The following DIAPH3 variants were observed in gnomAD, a reference collection of about 807,000 sequenced individuals.
DIAPH3 encodes the protein diaphanous related formin 3, also known as protein diaphanous homolog 3.
DIAPH3 carries 117 observed loss-of-function variants against 144.3 expected under a neutral mutation model. The observed-to-expected ratio is 0.81, with a 90% CI of 0.70 to 0.95. The LOEUF (loss-of-function observed/expected upper bound fraction) is 0.95. DIAPH3 is among the 40% of genes least tolerant of loss of function. The pLI, the probability that DIAPH3 is intolerant of heterozygous loss-of-function variation, is 0.00. For missense variants in DIAPH3, 1,421 were observed against 1,412.7 expected, an observed-to-expected ratio of 1.01 and a Z score of -0.09; for synonymous variants, 519 against 488.9, an observed-to-expected ratio of 1.06 and a Z score of -0.81.
At chr13:59,717,544 A>G (rs1405441966) in intron 27 of DIAPH3, among the ~76,000 whole-genome samples, 2 of 152,220 alleles carry the variant, frequency 1.3e-5, no homozygotes, top group East Asian at 1.9e-4. Context: ...ACCATTTGGG[A>G]TAAGTCTTAC....
chr13:59,837,309 T>A (rs144626977), intron 23 of DIAPH3, among the ~76,000 whole-genome samples: 3 of 152,188 alleles, frequency 2.0e-5, no homozygotes, highest in African/African-American at 7.2e-5. Flanking sequence ...TTCCTGTTTC[T>A]GATTTCCTGC....
chr13:60,129,906 T>C, intron 2 of DIAPH3, among the ~76,000 whole-genome samples: 1 of 152,216 alleles, frequency 6.6e-6, no homozygotes, highest in Non-Finnish European at 1.5e-5. Context: ...AAGGCTCAGC[T>C]GCAAATGTGT....
chr13:60,071,859 C>T (rs1481186348), intron 4 of DIAPH3, among the ~76,000 whole-genome samples: 1 of 152,036 alleles, frequency 6.6e-6, no homozygotes, highest in Non-Finnish European at 1.5e-5. Context: ...AATCCCAATA[C>T]CTATTTGCCT....
intron 27 of DIAPH3, among the ~76,000 whole-genome samples, chr13:59,692,572 C>T (rs1401364622): frequency 6.6e-6 from 1 of 152,060 alleles, no homozygotes; most frequent in African/African-American, 2.4e-5. Flanking sequence ...AGTCATAGAA[C>T]CTTAGGTTTC....
At chr13:59,916,292 TA>T (rs1259292713) in intron 18 of DIAPH3, 43 bp from the exon 19 acceptor site, 1 of 1,433,356 alleles carries the variant, frequency 7.0e-7, no homozygotes, top group Non-Finnish European at 9.8e-7. Context: ...GAATAAGGTT[TA>T]AAAAAGTATT....
intron 24 of DIAPH3, among the ~76,000 whole-genome samples, chr13:59,819,000 G>C (rs1228551648): frequency 6.6e-6 from 1 of 151,396 alleles, no homozygotes; most frequent in Non-Finnish European, 1.5e-5. Context: ...GGGTCTTGGA[G>C]GCCTATATGT....
At chr13:59,754,425 T>C (rs1447884927) in intron 27 of DIAPH3, among the ~76,000 whole-genome samples, 1 of 152,164 alleles carries the variant, frequency 6.6e-6, no homozygotes. Context: ...TGGCATCTTA[T>C]CTTTCTAAAA....
intron 20 of DIAPH3, among the ~76,000 whole-genome samples, chr13:59,908,756 T>C (rs1042289526): frequency 6.6e-6 from 1 of 152,162 alleles, no homozygotes; most frequent in African/African-American, 2.4e-5. Context: ...AAGTAAAAAC[T>C]GTAGAATTTT....
At chr13:59,788,973 G>T (rs1467827414) in intron 25 of DIAPH3, among the ~76,000 whole-genome samples, 1 of 152,150 alleles carries the variant, frequency 6.6e-6, no homozygotes, top group Non-Finnish European at 1.5e-5. Context: ...TGATGAGCTT[G>T]TTCACTCTGA....
chr13:59,735,318 G>A (rs1383238906), intron 27 of DIAPH3, among the ~76,000 whole-genome samples: 2 of 152,080 alleles, frequency 1.3e-5, no homozygotes, highest in Non-Finnish European at 2.9e-5. Context: ...TAAACACCTG[G>A]TCATTTGAAG....
intron 5 of DIAPH3, among the ~76,000 whole-genome samples, chr13:60,038,583 G>A (rs1001906812): frequency 2.0e-5 from 3 of 152,042 alleles, no homozygotes; most frequent in Non-Finnish European, 4.4e-5. Context: ...ATACATTTCT[G>A]CAAAATTTTC....
intron 27 of DIAPH3, among the ~76,000 whole-genome samples, chr13:59,692,269 C>T (rs1190428435): frequency 1.4e-5 from 2 of 147,444 alleles, no homozygotes; most frequent in Non-Finnish European, 3.0e-5. Context: ...TGAGGTTTAA[C>T]ATTTGAGGGC....
At chr13:60,080,330 C>A (rs977125295) in intron 4 of DIAPH3, among the ~76,000 whole-genome samples, 2 of 151,772 alleles carry the variant, frequency 1.3e-5, no homozygotes, top group Non-Finnish European at 2.9e-5. Context: ...TAACATTCTA[C>A]AATGTGTTAT....
chr13:59,996,730 T>C (rs139737094), intron 9 of DIAPH3, among the ~76,000 whole-genome samples: 16 of 152,032 alleles, frequency 1.1e-4, no homozygotes, highest in African/African-American at 3.6e-4. Flanking sequence ...AGATATTCAA[T>C]ATGTGGGGCA....
intron 20 of DIAPH3, among the ~76,000 whole-genome samples, chr13:59,903,483 G>A (rs1440230530): frequency 6.6e-6 from 1 of 151,968 alleles, no homozygotes; most frequent in Non-Finnish European, 1.5e-5. Context: ...AGAGTACCAT[G>A]AGTAGTCACA....
At chr13:59,978,818 G>A (rs981412991) in intron 14 of DIAPH3, among the ~76,000 whole-genome samples, 5 of 151,658 alleles carry the variant, frequency 3.3e-5, no homozygotes, top group African/African-American at 1.2e-4. Flanking sequence ...AAAAAATGTT[G>A]AAAGACACAG....
At chr13:59,899,796 C>T (rs2046331258) in intron 20 of DIAPH3, among the ~76,000 whole-genome samples, 1 of 152,140 alleles carries the variant, frequency 6.6e-6, no homozygotes, top group Non-Finnish European at 1.5e-5. Flanking sequence ...ATATAAAACA[C>T]AAGCAAAATT....
intron 15 of DIAPH3, among the ~76,000 whole-genome samples, chr13:59,972,113 T>G (rs2050420197): frequency 1.3e-5 from 2 of 152,142 alleles, no homozygotes; most frequent in Admixed American, 6.6e-5. Context: ...GACTGGTGCA[T>G]GACAGCTATG....
intron 14 of DIAPH3, among the ~76,000 whole-genome samples, chr13:59,978,900 T>C (rs1486155970): frequency 6.6e-6 from 1 of 151,730 alleles, no homozygotes; most frequent in African/African-American, 2.4e-5. Context: ...AGAAGGTTGA[T>C]AATTCAATAT....
Sources: gnomAD v4.1 joint callset for allele counts (sites outside exome capture counted in the v4.1 genomes callset) on GRCh38, gnomAD v4.1.1 for gene constraint, MANE v1.5 for transcripts, NCBI Gene and HGNC (gene_info 2026-07-23, HGNC 2026-07-21) for gene names.